Variants in MMS22L observed in about 807,000 individuals in gnomAD.
The protein encoded by MMS22L is protein MMS22-like.
Under a neutral mutation model 159.1 loss-of-function variants are expected in MMS22L, and 74 were observed. The ratio of observed to expected loss-of-function variants is 0.47; its 90% CI spans 0.39 to 0.56. The LOEUF (loss-of-function observed/expected upper bound fraction) is 0.56. Ranked by LOEUF, MMS22L falls within the 20% of genes least tolerant of loss-of-function variation. MMS22L has a pLI of 0.00. For missense variants in MMS22L, 1,351 were observed against 1,422.1 expected (o/e 0.95, Z 0.80); for synonymous variants, 517 against 506.9 (o/e 1.02, Z -0.27).
chr6:97,273,180 A>C, intron 4 of MMS22L, 118 bp from the exon 5 acceptor site: 1 of 806,818 alleles, frequency 1.2e-6, no homozygotes, highest in South Asian at 1.7e-5. Flanking sequence ...TATATTAAAC[A>C]TTCTCTTATG....
chr6:97,203,576 G>C, intron 14 of MMS22L, among the ~76,000 whole-genome samples: 1 of 152,186 alleles, frequency 6.6e-6, no homozygotes, highest in Non-Finnish European at 1.5e-5. Context: ...ATTTAGACCT[G>C]AGCTGATCCT....
chr6:97,164,343 T>C (rs1802744294), intron 21 of MMS22L, among the ~76,000 whole-genome samples: 1 of 151,440 alleles, frequency 6.6e-6, no homozygotes, highest in Admixed American at 6.6e-5. Flanking sequence ...TAATACTAGA[T>C]AAGAATAACA....
At chr6:97,278,715 C>T (rs1271327361) in intron 4 of MMS22L, 134 bp downstream of exon 4, 3 of 622,108 alleles carry the variant, frequency 4.8e-6, no homozygotes, top group African/African-American at 1.9e-5. Flanking sequence ...TTTCTGAACA[C>T]TAAATTCGTA....
intron 2 of MMS22L, 51 bp from the exon 3 acceptor site, chr6:97,281,413 T>C (rs1176698968): frequency 7.0e-6 from 10 of 1,423,328 alleles, no homozygotes; most frequent in Non-Finnish European, 9.5e-6. Flanking sequence ...AGTACCATAA[T>C]ACGACGGCTC....
chr6:97,272,756 G>A lies in MMS22L; in HGVS notation c.554C>T (p.Ser185Phe), dbSNP rs768464740. ...TCCTATATTAACACTGGGAAGTTCA[G>A]ATAGGTGTCCAATATACAAGAGTAA... ...HGLLLYIGHLSELPSVNIGAF... is the reference protein window; with the variant it reads ...HGLLLYIGHLFELPSVNIGAF... Residue 185 changes from serine to phenylalanine, a missense_variant, in exon 6 of 25, where the codon TCT (serine) becomes TTT (phenylalanine). Coordinates refer to ENST00000683635, the MANE Select transcript of MMS22L (RefSeq NM_001350599.2). The A allele has an allele frequency of 6.2e-7, 1 of 1,613,928 alleles. No individual in the cohort carries two copies. Among genetic ancestry groups the A allele is most frequent in the Non-Finnish European group, 8.5e-7 (1 of 1,179,900 alleles).
chr6:97,180,335 T>A (rs112708256), intron 16 of MMS22L, among the ~76,000 whole-genome samples: 205 of 152,286 alleles, frequency 1.3e-3, no homozygotes, highest in African/African-American at 4.8e-3. Context: ...TCTCCTGACC[T>A]TATGATCCGC....
intron 19 of MMS22L, among the ~76,000 whole-genome samples, chr6:97,170,129 A>G (rs1188875235): frequency 6.6e-6 from 1 of 152,200 alleles, no homozygotes; most frequent in Non-Finnish European, 1.5e-5. Flanking sequence ...ATGTATGTAT[A>G]GGCAAAAACA....
intron 14 of MMS22L, among the ~76,000 whole-genome samples, chr6:97,190,641 T>C (rs1385519255): frequency 1.3e-5 from 2 of 152,190 alleles, no homozygotes; most frequent in Non-Finnish European, 2.9e-5. Flanking sequence ...ATAAGCATCG[T>C]TTCTCACCCT....
intron 14 of MMS22L, among the ~76,000 whole-genome samples, chr6:97,226,286 A>T (rs1017430366): frequency 6.6e-6 from 1 of 152,184 alleles, no homozygotes; most frequent in Non-Finnish European, 1.5e-5. Context: ...CAAAACAAAG[A>T]TCATCTATTT....
chr6:97,236,779 G>A (rs908549788), intron 11 of MMS22L, among the ~76,000 whole-genome samples: 9 of 152,082 alleles, frequency 5.9e-5, no homozygotes, highest in East Asian at 1.9e-4. Flanking sequence ...GTGAAACCCC[G>A]TCTCTACTAA....
intron 20 of MMS22L, among the ~76,000 whole-genome samples, 188 bp downstream of exon 20, chr6:97,167,883 C>A (rs2128249513): frequency 6.6e-6 from 1 of 152,188 alleles, no homozygotes; most frequent in East Asian, 1.9e-4. Flanking sequence ...CTTTAAGCTC[C>A]TCTGCTTTTT....
intron 11 of MMS22L, among the ~76,000 whole-genome samples, chr6:97,234,189 T>C (rs1353594001): frequency 2.6e-5 from 4 of 152,168 alleles, no homozygotes; most frequent in East Asian, 1.9e-4. Flanking sequence ...CACATTCAGA[T>C]AACAGAAGTC....
Position 97,152,503 on chromosome 6 carries a change from G to A in MMS22L, c.3386-636C>T, listed in dbSNP as rs553391208. Among the ~76,000 whole-genome samples the A allele has an allele frequency of 2.0e-5, 3 of 152,134 alleles. No homozygotes were observed. The East Asian group carries it at 5.8e-4, about 29-fold the overall frequency. On this transcript the variant is annotated intron_variant, in intron 22 of 24. Transcript: ENST00000683635. ...AGAAAGGATGTAGAAAACCCAATAT[G>A]TTCTGAATGCTACTAAATTCTTATG...
Position 97,248,911 on chromosome 6 carries a change from T to C in MMS22L, c.1120-2221A>G, listed in dbSNP as rs368474133. 2.0e-5 allele frequency among the ~76,000 whole-genome samples: 3 copies of C among 151,976 alleles called. No individual in the cohort carries two copies. In the East Asian group the frequency reaches 5.8e-4, roughly 29 times the overall value. ...CCCATAGCTTCCTGGAGGTCATCTC[T>C]GGGCCCTGGGAATGTTATGCCTGAT... On this transcript the variant is annotated intron_variant, in intron 10 of 24. Transcript: ENST00000683635.
At chr6:97,195,009 C>T (rs1307111675) in intron 14 of MMS22L, among the ~76,000 whole-genome samples, 2 of 152,112 alleles carry the variant, frequency 1.3e-5, no homozygotes, top group African/African-American at 4.8e-5. Flanking sequence ...AATACCTGAA[C>T]TTGTGGTGAG....
At chr6:97,272,440 A>C in intron 6 of MMS22L, 1 of 324,926 alleles carries the variant, frequency 3.1e-6, no homozygotes, top group East Asian at 5.6e-5. Context: ...AATGACTACT[A>C]TGTTTTAATA....
At chr6:97,238,670 G>A (rs960419023) in intron 11 of MMS22L, among the ~76,000 whole-genome samples, 5 of 149,602 alleles carry the variant, frequency 3.3e-5, no homozygotes, top group African/African-American at 1.2e-4. Context: ...TCCGTTAAAT[G>A]AATATGCCTG....
chr6:97,279,768 A>G (rs1816586599), intron 3 of MMS22L, among the ~76,000 whole-genome samples: 1 of 151,452 alleles, frequency 6.6e-6, no homozygotes, highest in Admixed American at 6.6e-5. Flanking sequence ...CCAGGGTGAC[A>G]GTGTGAGACA....
At chr6:97,210,919 G>C (rs757152618) in intron 14 of MMS22L, among the ~76,000 whole-genome samples, 1 of 151,868 alleles carries the variant, frequency 6.6e-6, no homozygotes, top group African/African-American at 2.4e-5. Flanking sequence ...TCCATATTTT[G>C]TATCAAATTA....
Sources: gnomAD v4.1 joint callset for allele counts (sites outside exome capture counted in the v4.1 genomes callset) on GRCh38, gnomAD v4.1.1 for gene constraint, MANE v1.5 for transcripts, NCBI Gene and HGNC (gene_info 2026-07-23, HGNC 2026-07-21) for gene names.